Variants in ANKRD54 observed in about 807,000 individuals in gnomAD.
ANKRD54 encodes ankyrin repeat domain 54.
A neutral mutation model predicts 36.2 loss-of-function variants in ANKRD54; 26 were observed. That is an observed-to-expected ratio of 0.72 (90% CI 0.53 to 1.00). ANKRD54 has a LOEUF of 1.00. ANKRD54 is among the 50% of genes least tolerant of loss of function. The probability of loss-of-function intolerance (pLI) is 0.00; values close to 1 mark genes in which losing one functional copy is unlikely to be tolerated. For missense variants in ANKRD54, 384 were observed against 424.3 expected, an observed-to-expected ratio of 0.91 and a Z score of 0.83; for synonymous variants, 209 against 188.4, an observed-to-expected ratio of 1.11 and a Z score of -0.89.
chr22:37,831,896 A>AGTGGGGCAGG lies in ANKRD54; in HGVS notation c.*37_*46dup. On this transcript the variant is annotated 3_prime_UTR_variant, in exon 8 of 8. Coordinates refer to ENST00000215941, the MANE Select transcript of ANKRD54 (RefSeq NM_138797.4). The stretch of plus-strand genomic sequence containing the variant: ...GGCTTTTTCTTGGTACTGAGACAGC[A>AGTGGGGCAGG]GTGGGGCAGGGTGGGGCAGTGGCAG... The AGTGGGGCAGG allele has an allele frequency of 6.3e-7, 1 of 1,593,552 alleles. No individual in the cohort carries two copies. The highest frequency in any genetic ancestry group is 1.7e-5 in the Admixed American group (1 of 59,400).
chr22:37,844,335 G>A, upstream of ANKRD54: 1 of 1,399,610 alleles, frequency 7.1e-7, no homozygotes, highest in East Asian at 2.7e-5. Flanking sequence ...TCAGCGAGCT[G>A]GCGGGCGGGC....
At chr22:37,837,149 G>A (rs1923652634) in intron 3 of ANKRD54, among the ~76,000 whole-genome samples, 1 of 152,064 alleles carries the variant, frequency 6.6e-6, no homozygotes, top group Non-Finnish European at 1.5e-5. Context: ...AGAGACAACA[G>A]CAAGCACTGG....
chr22:37,844,589 C>T (rs1272413248), upstream of ANKRD54, among the ~76,000 whole-genome samples: 1 of 152,190 alleles, frequency 6.6e-6, no homozygotes, highest in Non-Finnish European at 1.5e-5. Context: ...AACAGCATTT[C>T]AGACGCTTTT....
At chr22:37,842,897 G>A (rs1348296144) in intron 1 of ANKRD54, among the ~76,000 whole-genome samples, 1 of 152,132 alleles carries the variant, frequency 6.6e-6, no homozygotes, top group Non-Finnish European at 1.5e-5. Context: ...AGTTTGAGTC[G>A]GGCTGACCCG....
At position 37,831,329 on chromosome 22, in the gene ANKRD54, G is replaced by A. The variant is rs1355988681; in HGVS notation, c.*614C>T. The A allele has an allele frequency of 6.6e-6, 1 of 152,384 alleles. No homozygotes were observed. Among genetic ancestry groups the A allele is most frequent in the Non-Finnish European group, 1.5e-5 (1 of 68,130 alleles). The allele number at this position is 152,384 out of a possible 1,614,324, so 9.4% of individuals were successfully genotyped here. A position where few individuals can be genotyped will look rare whatever the true frequency, so the allele number is the denominator to read the frequency against. ...TAATAGTTTTGGTGTTTCAATGACT[G>A]GGAGGAAAAGGGTTGGAATTTTTTG... On this transcript the variant is annotated 3_prime_UTR_variant, in exon 8 of 8. Transcript: ENST00000215941.
Position 37,843,944 on chromosome 22 carries a change from G to C in ANKRD54, c.295C>G (p.Arg99Gly), listed in dbSNP as rs772284168. ...GRLRRAARPH[R>G]RLGPTGKEVH... ...TCCTTGCCCGTGGGCCCGAGCCGCC[G>C]GTGGGGCCTGGCAGCGCGCCTCAGC... is the stretch of plus-strand genomic sequence containing the variant. Residue 99 changes from arginine to glycine, a missense_variant, in exon 1 of 8, where the codon CGG becomes GGG. Physicochemically the swap from Arg to Gly is moderately radical, Grantham distance 125 (BLOSUM62 -2). Transcript: ENST00000215941. 7.3e-7 allele frequency: 1 copy of C among 1,378,552 alleles called. No individual in the cohort carries two copies. Among genetic ancestry groups the C allele is most frequent in the Admixed American group, 3.1e-5 (1 of 32,058 alleles). 85.4% of individuals were successfully genotyped at this position (1,378,552 alleles called of 1,614,324 possible).
At position 37,838,502 on chromosome 22, in the gene ANKRD54, A is replaced by G; in HGVS notation, c.473T>C (p.Ile158Thr). ...CCTCCTCCCTCCCCAGGACTCACCA[A>G]TCTGGTCATTGCCATTGCATGAGGC... is the stretch of plus-strand genomic sequence containing the variant. The part of the protein sequence containing the change: ...HFASCNGNDQ[I>T]VQLLLDHGAD... The change falls in exon 3 of 8, where the codon ATT (isoleucine) becomes ACT (threonine). Residue 158 changes from isoleucine to threonine, a missense_variant and splice_region_variant. Physicochemically the swap from Ile to Thr is moderately conservative, Grantham distance 89. Coordinates refer to ENST00000215941, the MANE Select transcript of ANKRD54 (RefSeq NM_138797.4). 6.2e-7 allele frequency: 1 copy of G among 1,611,108 alleles called. No homozygotes were observed.
At chr22:37,847,908 A>C (rs1924932124), upstream of ANKRD54, 5 of 261,102 alleles carry the variant, frequency 1.9e-5, no homozygotes. Flanking sequence ...AGTGGATGGC[A>C]TCAGAGCAGA....
chr22:37,833,354 A>ATT (rs1923139913), intron 4 of ANKRD54, 148 bp from the exon 5 acceptor site: 1 of 991,416 alleles, frequency 1.0e-6, no homozygotes, highest in African/African-American at 1.7e-5. Context: ...GCTAGGTAGG[A>ATT]CTCAGAAGTC....
upstream of ANKRD54, among the ~76,000 whole-genome samples, chr22:37,844,688 G>C (rs904278277): frequency 6.6e-6 from 1 of 151,984 alleles, no homozygotes; most frequent in African/African-American, 2.4e-5. Context: ...TCCTGCCTCA[G>C]CCTCCCGAGT....
intron 1 of ANKRD54, 95 bp from the exon 2 acceptor site, chr22:37,840,329 C>G (rs1269216946): frequency 7.5e-7 from 1 of 1,328,508 alleles, no homozygotes; most frequent in Non-Finnish European, 1.1e-6. Flanking sequence ...GAGGCCAAGG[C>G]AGGCAGATCA....
chr22:37,845,737 C>T (rs780615595), upstream of ANKRD54, among the ~76,000 whole-genome samples: 3 of 152,010 alleles, frequency 2.0e-5, no homozygotes, highest in Non-Finnish European at 2.9e-5. Flanking sequence ...GGTGTGGTGG[C>T]GCACGCCTGT....
In ANKRD54 at chr22:37,832,708, C is replaced by G; in HGVS notation, c.757G>C (p.Gly253Arg). 1 of 1,614,178 alleles carries G rather than the reference C, an allele frequency of 6.2e-7. No individual in the cohort carries two copies. Among genetic ancestry groups the G allele is most frequent in the Non-Finnish European group, 8.5e-7 (1 of 1,180,030 alleles). The part of the protein sequence containing the change: ...HMLREYLERL[G>R]QHEQRERLDD... Reference sequence around the variant, plus strand: ...AGGCGTTCTCGCTGCTCATGTTGCCCTAGGCGCTCCAGATACTCCCTCAGC... The same window carrying G: ...AGGCGTTCTCGCTGCTCATGTTGCCGTAGGCGCTCCAGATACTCCCTCAGC... Residue 253 changes from glycine to arginine, a missense_variant, in exon 7 of 8, where the codon GGG (glycine) becomes CGG (arginine). This residue lies in a region of ANKRD54 where 179 missense variants were observed against 224.0 expected (regional missense o/e 0.80). Coordinates refer to ENST00000215941, the MANE Select transcript of ANKRD54 (RefSeq NM_138797.4).
chr22:37,839,269 T>C (rs1034514584), intron 2 of ANKRD54, among the ~76,000 whole-genome samples: 5 of 152,170 alleles, frequency 3.3e-5, no homozygotes, highest in African/African-American at 1.2e-4. Flanking sequence ...TTCCAGTGTA[T>C]AGGAAAGAAG....
intron 3 of ANKRD54, among the ~76,000 whole-genome samples, chr22:37,835,537 T>C (rs1002789082): frequency 6.6e-6 from 1 of 151,910 alleles, no homozygotes; most frequent in African/African-American, 2.4e-5. Flanking sequence ...CCAGGCGCAG[T>C]GGCTCATGCT....
chr22:37,849,253 A>C, upstream of ANKRD54: 1 of 650,894 alleles, frequency 1.5e-6, no homozygotes, highest in South Asian at 1.8e-5. Context: ...CGGCCTCCCA[A>C]ACTGGTGGGG....
chr22:37,845,527 G>T (rs1018810882), upstream of ANKRD54, among the ~76,000 whole-genome samples: 3 of 152,200 alleles, frequency 2.0e-5, no homozygotes, highest in Non-Finnish European at 4.4e-5. Flanking sequence ...ACCAGGTCTT[G>T]TGTCCTGGCA....
At chr22:37,843,720 C>G (rs1280422060) in intron 1 of ANKRD54, 191 bp downstream of exon 1, 2 of 329,544 alleles carry the variant, frequency 6.1e-6, no homozygotes, top group African/African-American at 4.4e-5. Flanking sequence ...AGCAGGAAGA[C>G]TTTCTAAAAA....
At chr22:37,845,870 G>C (rs1308912874), upstream of ANKRD54, among the ~76,000 whole-genome samples, 1 of 139,838 alleles carries the variant, frequency 7.2e-6, no homozygotes, top group African/African-American at 2.7e-5. Flanking sequence ...CTCCATCTCA[G>C]AAAGAAACAA....
Sources: gnomAD v4.1 joint callset for allele counts (sites outside exome capture counted in the v4.1 genomes callset) on GRCh38, gnomAD v4.1.1 for gene constraint, gnomAD v4.1.1 regional missense constraint, MANE v1.5 for transcripts, NCBI Gene and HGNC (gene_info 2026-07-23, HGNC 2026-07-21) for gene names.